KCNK9: variants seen among roughly 807,000 people sequenced by gnomAD.
KCNK9 encodes potassium two pore domain channel subfamily K member 9, also known as potassium channel subfamily K member 9.
A neutral mutation model predicts 10.8 loss-of-function variants in KCNK9; 1 was observed. The ratio of observed to expected loss-of-function variants is 0.09; its 90% CI spans 0.03 to 0.44. KCNK9 has a LOEUF of 0.44. KCNK9 is among the 20% of genes least tolerant of loss of function. The pLI is 0.97. For synonymous variants in KCNK9, 231 were observed against 222.7 expected, an observed-to-expected ratio of 1.04 and a Z score of -0.33; for missense variants, 303 against 515.0, an observed-to-expected ratio of 0.59 and a Z score of 3.98.
chr8:139,648,146 A>C (rs1815747537), intron 1 of KCNK9, among the ~76,000 whole-genome samples: 1 of 152,220 alleles, frequency 6.6e-6, no homozygotes, highest in Non-Finnish European at 1.5e-5. Context: ...CCTAATGCTC[A>C]GTGAAGAAAG....
At chr8:139,678,646 C>G (rs918168285) in intron 1 of KCNK9, among the ~76,000 whole-genome samples, 1 of 152,252 alleles carries the variant, frequency 6.6e-6, no homozygotes, top group Non-Finnish European at 1.5e-5. Flanking sequence ...GATAGAAACT[C>G]CACAGCCAGT....
At chr8:139,689,968 T>G (rs1202543002) in intron 1 of KCNK9, among the ~76,000 whole-genome samples, 1 of 152,168 alleles carries the variant, frequency 6.6e-6, no homozygotes, top group African/African-American at 2.4e-5. Flanking sequence ...GCGAAAAACA[T>G]GCAATGACTT....
At chr8:139,629,501 A>G (rs1329201445) in intron 1 of KCNK9, among the ~76,000 whole-genome samples, 1 of 152,236 alleles carries the variant, frequency 6.6e-6, no homozygotes, top group Non-Finnish European at 1.5e-5. Flanking sequence ...CATGTGTACA[A>G]CGGAATGTGT....
At chr8:139,701,073 C>A (rs1360401836) in intron 1 of KCNK9, among the ~76,000 whole-genome samples, 1 of 152,172 alleles carries the variant, frequency 6.6e-6, no homozygotes, top group East Asian at 1.9e-4. Flanking sequence ...ATTTCTTACT[C>A]TCCAGCTCTC....
chr8:139,603,829 G>A (rs1370704554), intron 2 of KCNK9, among the ~76,000 whole-genome samples: 2 of 152,220 alleles, frequency 1.3e-5, no homozygotes, highest in Non-Finnish European at 2.9e-5. Flanking sequence ...GGTTCACTGA[G>A]GATAGAAACT....
At chr8:139,666,129 T>C (rs1351493939) in intron 1 of KCNK9, among the ~76,000 whole-genome samples, 1 of 152,144 alleles carries the variant, frequency 6.6e-6, no homozygotes, top group African/African-American at 2.4e-5. Flanking sequence ...GGCAATTAGG[T>C]CCCTGTTCTA....
intron 1 of KCNK9, among the ~76,000 whole-genome samples, chr8:139,638,357 G>T (rs1360071616): frequency 6.6e-6 from 1 of 152,180 alleles, no homozygotes; most frequent in Non-Finnish European, 1.5e-5. Flanking sequence ...CCAATGACCA[G>T]CAAAGGATCT....
Position 139,604,667 on chromosome 8 carries a change from C to T in KCNK9, c.*1-3066G>A, listed in dbSNP as rs541456235. ...ATGCAGAGAAAGGAACACGGAACAC[C>T]CCGGAGTAAGTTTTTCTGTATGTAA... On this transcript the variant is annotated intron_variant, in intron 2 of 2. Transcript: ENST00000650269. Among the ~76,000 whole-genome samples the T allele has an allele frequency of 5.0e-4, 76 of 152,214 alleles. 1 individual carries two copies. The highest frequency in any genetic ancestry group is 3.4e-3 in the Middle Eastern group (1 of 294).
intron 1 of KCNK9, among the ~76,000 whole-genome samples, chr8:139,701,720 T>G (rs1034459204): frequency 6.6e-6 from 1 of 151,804 alleles, no homozygotes; most frequent in South Asian, 2.1e-4. Flanking sequence ...CCTCCTGCCA[T>G]GCAGGGTATC....
At chr8:139,629,155 A>G (rs908175264) in intron 1 of KCNK9, among the ~76,000 whole-genome samples, 1 of 152,234 alleles carries the variant, frequency 6.6e-6, no homozygotes, top group African/African-American at 2.4e-5. Flanking sequence ...CTGAGCCTCG[A>G]TACACATCAG....
intron 1 of KCNK9, among the ~76,000 whole-genome samples, chr8:139,676,821 G>T (rs1346141357): frequency 6.6e-6 from 1 of 152,128 alleles, no homozygotes; most frequent in African/African-American, 2.4e-5. Flanking sequence ...GTGTGGTGGT[G>T]CATGCCTGTA....
intron 1 of KCNK9, among the ~76,000 whole-genome samples, chr8:139,662,195 C>T (rs898322204): frequency 6.6e-6 from 1 of 152,220 alleles, no homozygotes; most frequent in African/African-American, 2.4e-5. Flanking sequence ...TGAGGCCCCA[C>T]ATCCCACTCT....
chr8:139,624,015 C>T (rs1030355152), intron 1 of KCNK9, among the ~76,000 whole-genome samples: 1 of 152,168 alleles, frequency 6.6e-6, no homozygotes, highest in African/African-American at 2.4e-5. Context: ...TCATCCTTAC[C>T]TAACCCGATG....
chr8:139,626,211 C>T (rs368064217), intron 1 of KCNK9, among the ~76,000 whole-genome samples: 4 of 152,174 alleles, frequency 2.6e-5, no homozygotes, highest in African/African-American at 7.2e-5. Context: ...CTCCCCATGT[C>T]CCCCCTGGCA....
chr8:139,646,884 C>G (rs561122794), intron 1 of KCNK9, among the ~76,000 whole-genome samples: 1 of 152,354 alleles, frequency 6.6e-6, no homozygotes, highest in East Asian at 1.9e-4. Flanking sequence ...AGCTGTGGCT[C>G]CCCAAAAGGA....
chr8:139,606,523 T>C (rs1292654875), intron 2 of KCNK9, among the ~76,000 whole-genome samples: 2 of 152,154 alleles, frequency 1.3e-5, no homozygotes, highest in African/African-American at 2.4e-5. Context: ...ATCATTTTGA[T>C]GGGTGTGAGT....
intron 1 of KCNK9, among the ~76,000 whole-genome samples, chr8:139,682,704 C>T (rs573463819): frequency 7.9e-5 from 12 of 152,304 alleles, no homozygotes; most frequent in African/African-American, 2.9e-4. Flanking sequence ...GGCAGTGACT[C>T]GATCTCCTGT....
At chr8:139,620,324 A>G (rs1364689760) in intron 1 of KCNK9, among the ~76,000 whole-genome samples, 3 of 152,230 alleles carry the variant, frequency 2.0e-5, no homozygotes, top group African/African-American at 7.2e-5. Context: ...GGACCCTGTC[A>G]CATGTTCATG....
intron 1 of KCNK9, among the ~76,000 whole-genome samples, chr8:139,662,300 AC>A (rs1816173998): frequency 6.6e-6 from 1 of 151,956 alleles, no homozygotes. Flanking sequence ...CACAGCAGGG[AC>A]TCAGATGGGC....
Sources: gnomAD v4.1 joint callset for allele counts (sites outside exome capture counted in the v4.1 genomes callset) on GRCh38, gnomAD v4.1.1 for gene constraint, MANE v1.5 for transcripts, NCBI Gene and HGNC (gene_info 2026-07-23, HGNC 2026-07-21) for gene names.